ENAH: variants seen among roughly 807,000 people sequenced by gnomAD.
ENAH encodes the protein protein enabled homolog.
In ENAH, 23 loss-of-function variants were observed where a neutral mutation model predicts 78.7. That is an observed-to-expected ratio of 0.29 (90% CI 0.21 to 0.41). ENAH has a LOEUF of 0.41. Ranked by LOEUF, ENAH falls within the 10% of genes least tolerant of loss-of-function variation. The pLI is 1.00. For missense variants in ENAH, 544 were observed against 691.0 expected, an observed-to-expected ratio of 0.79 and a Z score of 2.39; for synonymous variants, 226 against 241.0, an observed-to-expected ratio of 0.94 and a Z score of 0.58.
intron 5 of ENAH, 133 bp from the exon 6 acceptor site, chr1:225,517,439 G>A: frequency 6.4e-7 from 1 of 1,551,722 alleles, no homozygotes; most frequent in South Asian, 1.2e-5. Flanking sequence ...GGCGGCGGAG[G>A]AGCTGCTGGC....
At chr1:225,504,399 AAATT>A (rs2096309325) in intron 11 of ENAH, among the ~76,000 whole-genome samples, 1 of 152,196 alleles carries the variant, frequency 6.6e-6, no homozygotes, top group South Asian at 2.1e-4. Flanking sequence ...CTATTCTGTC[AAATT>A]AATTGTGTAA....
intron 4 of ENAH, among the ~76,000 whole-genome samples, chr1:225,526,844 T>C (rs1207712772): frequency 6.6e-6 from 1 of 152,206 alleles, no homozygotes; most frequent in Non-Finnish European, 1.5e-5. Context: ...CAATTTCAAC[T>C]CTTTGTTTTG....
intron 11 of ENAH, among the ~76,000 whole-genome samples, chr1:225,502,866 T>C (rs1347945771): frequency 6.6e-6 from 1 of 152,212 alleles, no homozygotes; most frequent in African/African-American, 2.4e-5. Flanking sequence ...TTCTCTAGAA[T>C]TAAACTATAA....
At chr1:225,618,448 C>T (rs1461017703) in intron 1 of ENAH, among the ~76,000 whole-genome samples, 3 of 152,136 alleles carry the variant, frequency 2.0e-5, no homozygotes, top group African/African-American at 4.8e-5. Flanking sequence ...CAATTTGGAA[C>T]CTTTTTCTCC....
chr1:225,595,626 G>A (rs930222294), intron 1 of ENAH, among the ~76,000 whole-genome samples: 1 of 152,090 alleles, frequency 6.6e-6, no homozygotes, highest in Non-Finnish European at 1.5e-5. Context: ...TTCATTTGTA[G>A]CAGCTGACTA....
chr1:225,588,584 C>T (rs983901673), intron 1 of ENAH, among the ~76,000 whole-genome samples: 3 of 152,040 alleles, frequency 2.0e-5, no homozygotes, highest in Non-Finnish European at 2.9e-5. Context: ...CCAAGGTGGA[C>T]GGATCACGAA....
At chr1:225,532,173 T>C (rs1029769957) in intron 3 of ENAH, among the ~76,000 whole-genome samples, 1 of 152,080 alleles carries the variant, frequency 6.6e-6, no homozygotes, top group African/African-American at 2.4e-5. Flanking sequence ...GACTCTCCTA[T>C]TAGGCTATAC....
At position 225,490,032 on chromosome 1, in the gene ENAH, A is replaced by C. The variant is rs773346215; in HGVS notation, c.*7743T>G. On this transcript the variant is annotated 3_prime_UTR_variant, in exon 14 of 14. Coordinates refer to ENST00000366843, the MANE Select transcript of ENAH (RefSeq NM_018212.6). ...AAGGAAAAAATAAAAACAAAACAAAAAGAATTTAAAAAAAGAACTCAACTT... is the reference window on the plus strand; with the variant it reads ...AAGGAAAAAATAAAAACAAAACAAACAGAATTTAAAAAAAGAACTCAACTT... The C allele has an allele frequency of 6.6e-6, 1 of 152,122 alleles. No homozygotes were observed. Among genetic ancestry groups the C allele is most frequent in the Non-Finnish European group, 1.5e-5 (1 of 68,026 alleles). The allele number at this position is 152,122 out of a possible 1,614,324, so 9.4% of individuals were successfully genotyped here.
chr1:225,557,163 A>C (rs2096671388), intron 2 of ENAH, among the ~76,000 whole-genome samples: 1 of 152,172 alleles, frequency 6.6e-6, no homozygotes, highest in Non-Finnish European at 1.5e-5. Flanking sequence ...TTTCTACCAA[A>C]GAAATTTTGG....
chr1:225,499,414 GTA>G (rs2151030675), intron 12 of ENAH, among the ~76,000 whole-genome samples: 1 of 152,314 alleles, frequency 6.6e-6, no homozygotes, highest in Non-Finnish European at 1.5e-5. Context: ...GCTCACACCT[GTA>G]ATCTCAGCAC....
intron 1 of ENAH, 70 bp from the exon 2 acceptor site, chr1:225,567,484 A>C: frequency 6.9e-7 from 1 of 1,456,532 alleles, no homozygotes; most frequent in Non-Finnish European, 9.2e-7. Flanking sequence ...ACATAGCCAC[A>C]CAAACCTAGG....
chr1:225,648,758 C>CTTTTTTTTTTTTTT (rs57529265), intron 1 of ENAH, among the ~76,000 whole-genome samples: 1 of 134,694 alleles, frequency 7.4e-6, no homozygotes, highest in Non-Finnish European at 1.6e-5. Context: ...AGATTATCTC[C>CTTTTTTTTTTTTTT]TTTTTTTTTT....
At chr1:225,553,853 CTCAAAAGAAGATCTGA>C (rs1279281403) in intron 3 of ENAH, among the ~76,000 whole-genome samples, 1 of 152,118 alleles carries the variant, frequency 6.6e-6, no homozygotes, top group Non-Finnish European at 1.5e-5. Context: ...TATTAATTTC[CTCAAAAGAAGATCTGA>C]TACAAAACAT....
intron 4 of ENAH, among the ~76,000 whole-genome samples, chr1:225,530,081 T>G (rs909169903): frequency 1.3e-5 from 2 of 152,224 alleles, no homozygotes; most frequent in Admixed American, 6.5e-5. Flanking sequence ...AGAGAACTCC[T>G]AGTCATGGAA....
At chr1:225,536,788 A>AT (rs956296567) in intron 3 of ENAH, among the ~76,000 whole-genome samples, 7 of 151,514 alleles carry the variant, frequency 4.6e-5, no homozygotes, top group East Asian at 1.9e-4. Flanking sequence ...CATACACTGT[A>AT]TTTTTTTTGC....
In ENAH at chr1:225,652,804, T is replaced by A; in HGVS notation, c.-114A>T. ...GCAGCTCGGAGACGGGAGACAAGTGTCCGGCTCCTCCTTCGGCGGCCAGGG... is the reference window on the plus strand; with the variant it reads ...GCAGCTCGGAGACGGGAGACAAGTGACCGGCTCCTCCTTCGGCGGCCAGGG... On this transcript the variant is annotated 5_prime_UTR_variant, in exon 1 of 14. Coordinates refer to ENST00000366843, the MANE Select transcript of ENAH (RefSeq NM_018212.6). 1.1e-6 allele frequency: 1 copy of A among 887,074 alleles called. No homozygotes were observed. The highest frequency in any genetic ancestry group is 2.9e-4 in the Middle Eastern group (1 of 3,460). 55.0% of individuals were successfully genotyped at this position (887,074 alleles called of 1,614,324 possible). A position where few individuals can be genotyped will look rare whatever the true frequency, so the allele number is the denominator to read the frequency against.
At chr1:225,615,826 G>T (rs2097027404) in intron 1 of ENAH, among the ~76,000 whole-genome samples, 1 of 152,324 alleles carries the variant, frequency 6.6e-6, no homozygotes, top group African/African-American at 2.4e-5. Context: ...CGTCTGGGAG[G>T]TGTACCCAAC....
chr1:225,549,404 G>A lies in ENAH; in HGVS notation c.349+5502C>T, dbSNP rs546178945. ...TCTGGTTAACAGGACCATCTTTACC[G>A]GGGGCCCAAACTGACACACCTGGTC... On this transcript the variant is annotated intron_variant, in intron 3 of 13. Coordinates refer to ENST00000366843, the MANE Select transcript of ENAH (RefSeq NM_018212.6). Among the ~76,000 whole-genome samples the A allele has an allele frequency of 9.1e-4, 138 of 152,058 alleles. 1 individual carries two copies. The highest frequency in any genetic ancestry group is 3.0e-3 in the African/African-American group (125 of 41,468).
Position 225,491,702 on chromosome 1 carries a change from C to G in ENAH, c.*6073G>C, listed in dbSNP as rs775895510. 1 of 152,140 alleles carries G rather than the reference C, an allele frequency of 6.6e-6. No individual in the cohort carries two copies. The highest frequency in any genetic ancestry group is 1.5e-5 in the Non-Finnish European group (1 of 68,026). 9.4% of individuals were successfully genotyped at this position (152,140 alleles called of 1,614,324 possible). A position where few individuals can be genotyped will look rare whatever the true frequency, so the allele number is the denominator to read the frequency against. ...TTTGGACTTGATGGGAAAATTAACT[C>G]TCAATCTAAACACTAGCCAATGTAG... is the stretch of plus-strand genomic sequence containing the variant. On this transcript the variant is annotated 3_prime_UTR_variant, in exon 14 of 14. Transcript: ENST00000366843.
Sources: allele counts gnomAD v4.1 joint callset (sites outside exome capture counted in the v4.1 genomes callset), GRCh38; gene constraint gnomAD v4.1.1; transcripts MANE v1.5; gene names NCBI Gene and HGNC (gene_info 2026-07-23, HGNC 2026-07-21).